CIZ1: variants seen among roughly 807,000 people sequenced by gnomAD.
The protein encoded by CIZ1 is cip1-interacting zinc finger protein.
Under a neutral mutation model 118.6 loss-of-function variants are expected in CIZ1, and 58 were observed. The ratio of observed to expected loss-of-function variants is 0.49; its 90% confidence interval spans 0.40 to 0.61. The LOEUF is 0.61. CIZ1 is among the 20% of genes least tolerant of loss of function. The pLI, the probability that CIZ1 is intolerant of heterozygous loss-of-function variation, is 0.00. For missense variants in CIZ1, 921 were observed against 1,115.9 expected, an observed-to-expected ratio of 0.83 and a Z score of 2.49; for synonymous variants, 448 against 443.4, an observed-to-expected ratio of 1.01 and a Z score of -0.13.
rs1223275724 is a variant in CIZ1, at chr9:128,203,279, C to A, written c.-6+907G>T. 1.1e-5 allele frequency: 3 copies of A among 267,046 alleles called. No homozygotes were observed. The highest frequency in any genetic ancestry group is 3.1e-4 in the South Asian group (2 of 6,400). The allele number at this position is 267,046 out of a possible 1,614,324, so 16.5% of individuals were successfully genotyped here. A position where few individuals can be genotyped will look rare whatever the true frequency, so the allele number is the denominator to read the frequency against. ...CCCATGATGCCCCGGACGGCGCCTG[C>A]GCACGGCGGCCGGCCCGCAGCGCCG... is the stretch of plus-strand genomic sequence containing the variant. On this transcript the variant is annotated intron_variant, in intron 1 of 17. Transcript: ENST00000372948. The surrounding 1 kb of genome is among the most constrained non-coding windows in gnomAD (Gnocchi z 5.3).
In CIZ1 at chr9:128,166,179, G is replaced by T. The variant is rs1385337049; in HGVS notation, c.*18C>A. 6.2e-6 allele frequency: 9 copies of T among 1,455,020 alleles called. No homozygotes were observed. The highest frequency in any genetic ancestry group is 7.3e-6 in the Non-Finnish European group (8 of 1,095,220). 90.1% of individuals were successfully genotyped at this position (1,455,020 alleles called of 1,614,324 possible). A position where few individuals can be genotyped will look rare whatever the true frequency, so the allele number is the denominator to read the frequency against. On this transcript the variant is annotated 3_prime_UTR_variant, in exon 17 of 17. Coordinates refer to ENST00000372938, the MANE Select transcript of CIZ1 (RefSeq NM_001131016.2). This position sits in a 1 kb window ranked among gnomAD's most constrained non-coding sequence, Gnocchi z 4.4. ...CAGATCTGGACCCAGGCAGGCCAGGGACAGGGAGGTCCCTCTATCAGGTTT... is the reference window on the plus strand; with the variant it reads ...CAGATCTGGACCCAGGCAGGCCAGGTACAGGGAGGTCCCTCTATCAGGTTT...
intron 10 of CIZ1, 35 bp downstream of exon 10, chr9:128,177,531 C>A: frequency 9.1e-7 from 1 of 1,097,424 alleles, no homozygotes; most frequent in South Asian, 2.0e-5. Context: ...CACGCAGGCC[C>A]CACCCCTCCC....
At chr9:128,185,971 C>T (rs1832316808) in intron 4 of CIZ1, among the ~76,000 whole-genome samples, 195 bp from the exon 5 acceptor site, 1 of 152,116 alleles carries the variant, frequency 6.6e-6, no homozygotes, top group Non-Finnish European at 1.5e-5. Context: ...GTGAAGGAAG[C>T]TTTAGGGCTC....
At chr9:128,199,753 AAG>A (rs1833464600) in intron 1 of CIZ1, among the ~76,000 whole-genome samples, 1 of 151,386 alleles carries the variant, frequency 6.6e-6, no homozygotes, top group Admixed American at 6.6e-5. Flanking sequence ...TTGGGAGCTC[AAG>A]AGAGAGTAAA....
At chr9:128,167,411 C>A in intron 14 of CIZ1, 1 of 512,938 alleles carries the variant, frequency 1.9e-6, no homozygotes, top group Middle Eastern at 3.7e-4. Flanking sequence ...CCTGCTCCTA[C>A]AGGCGCCATA....
Position 128,173,367 on chromosome 9 carries a change from G to T in CIZ1, c.1943+2984C>A, listed in dbSNP as rs1022218537. On this transcript the variant is annotated intron_variant, in intron 11 of 16. Transcript: ENST00000372938. ...TCACCGTGTTAGCCATGATGGTCTC[G>T]ATCTCCTGACCTCATGATCCACCCG... is the stretch of plus-strand genomic sequence containing the variant. 5.3e-5 allele frequency among the ~76,000 whole-genome samples: 8 copies of T among 151,690 alleles called. No individual in the cohort carries two copies. In the South Asian group the frequency reaches 1.5e-3, roughly 28 times the overall value.
At position 128,174,024 on chromosome 9, in the gene CIZ1, C is replaced by CA. The variant is rs888369095; in HGVS notation, c.1943+2326dup. ...CCATCTCAAAAACAAAACAAAAAAA[C>CA]AAAAAAAAAAAACAAAGAAATAGCT... On this transcript the variant is annotated intron_variant, in intron 11 of 16. Transcript: ENST00000372938. 5.4e-3 allele frequency among the ~76,000 whole-genome samples: 796 copies of CA among 147,702 alleles called. 7 individuals carry two copies. Among genetic ancestry groups the CA allele is most frequent in the African/African-American group, 0.019 (734 of 39,552 alleles).
chr9:128,174,029 A>AAC (rs1830550917), intron 11 of CIZ1, among the ~76,000 whole-genome samples: 1 of 151,546 alleles, frequency 6.6e-6, no homozygotes, highest in Non-Finnish European at 1.5e-5. Context: ...AAAAACAAAA[A>AAC]AAAAAAACAA....
rs1046206579 is a variant in CIZ1, at chr9:128,173,446, G to C, written c.1943+2905C>G. Reference sequence around the variant, plus strand: ...AGGCGTGAGCTACCGCGCCCGGCCGGCTAATTTTTTTATAGTTTACAGAGA... The same window carrying C: ...AGGCGTGAGCTACCGCGCCCGGCCGCCTAATTTTTTTATAGTTTACAGAGA... On this transcript the variant is annotated intron_variant, in intron 11 of 16. Coordinates refer to ENST00000372938, the MANE Select transcript of CIZ1 (RefSeq NM_001131016.2). Among the ~76,000 whole-genome samples, 4 of 151,840 alleles carry C rather than the reference G, an allele frequency of 2.6e-5. No homozygotes were observed. The East Asian group carries it at 7.9e-4, about 30-fold the overall frequency.
At chr9:128,200,397 C>T (rs774832218) in intron 1 of CIZ1, among the ~76,000 whole-genome samples, 2 of 151,716 alleles carry the variant, frequency 1.3e-5, no homozygotes, top group Non-Finnish European at 2.9e-5. Flanking sequence ...TGGTGGCTCA[C>T]AGCTATAATC....
upstream of CIZ1, chr9:128,191,764 G>C: frequency 2.8e-6 from 4 of 1,407,618 alleles, no homozygotes. The surrounding 1 kb of genome is among the most constrained non-coding windows in gnomAD (Gnocchi z 5.5). Context: ...TCGCGAAGGG[G>C]AGGCTCGGAG....
chr9:128,167,410 A>C, intron 14 of CIZ1: 1 of 514,198 alleles, frequency 1.9e-6, no homozygotes, highest in Non-Finnish European at 3.4e-6. Flanking sequence ...TCCTGCTCCT[A>C]CAGGCGCCAT....
chr9:128,196,042 T>C (rs906955606), upstream of CIZ1, among the ~76,000 whole-genome samples: 1 of 152,176 alleles, frequency 6.6e-6, no homozygotes, highest in Admixed American at 6.5e-5. Flanking sequence ...ATTTTTTGTA[T>C]TTTTAGTAGA....
upstream of CIZ1, chr9:128,192,026 TC>T (rs1319746844): frequency 3.7e-6 from 3 of 811,296 alleles, no homozygotes; most frequent in Non-Finnish European, 5.2e-6. Flanking sequence ...GGAGGGAGAG[TC>T]CCCCTCCAAG....
rs919865021 is a variant in CIZ1, at chr9:128,167,520, C to T, written c.2296-356G>A. 1.3e-5 allele frequency: 3 copies of T among 231,966 alleles called. No individual in the cohort carries two copies. The Admixed American group carries it at 1.5e-4, about 12-fold the overall frequency. 14.4% of individuals were successfully genotyped at this position (231,966 alleles called of 1,614,324 possible). A position where few individuals can be genotyped will look rare whatever the true frequency, so the allele number is the denominator to read the frequency against. On this transcript the variant is annotated intron_variant, in intron 14 of 16. Coordinates refer to ENST00000372938, the MANE Select transcript of CIZ1 (RefSeq NM_001131016.2). ...ACATTTTACTAAGAAGAAACTGAGG[C>T]CCAGGGACATTAACTCACTTGTCTA...
At chr9:128,181,669 C>A (rs374198340) in intron 5 of CIZ1, among the ~76,000 whole-genome samples, 2 of 151,692 alleles carry the variant, frequency 1.3e-5, no homozygotes, top group African/African-American at 4.9e-5. Flanking sequence ...GTGACGCCAG[C>A]GTCTGGGAAG....
rs1833585693 is a variant in CIZ1, at chr9:128,203,110, G to T, written c.-6+1076C>A. 6.6e-6 allele frequency among the ~76,000 whole-genome samples: 1 copy of T among 152,180 alleles called. No individual in the cohort carries two copies. The highest frequency in any genetic ancestry group is 1.5e-5 in the Non-Finnish European group (1 of 68,020). On this transcript the variant is annotated intron_variant, in intron 1 of 17. Coordinates refer to the CIZ1 transcript ENST00000372948. This position sits in a 1 kb window ranked among gnomAD's most constrained non-coding sequence, Gnocchi z 5.3. ...GGCCTGTTTCCTCATCGGTAAGATGGAGTGAAACATCCAGACCACTCTCCA... is the reference window on the plus strand; with the variant it reads ...GGCCTGTTTCCTCATCGGTAAGATGTAGTGAAACATCCAGACCACTCTCCA...
chr9:128,176,365 C>T lies in CIZ1; in HGVS notation c.1929G>A (p.Leu643=). 1.9e-6 allele frequency: 3 copies of T among 1,614,064 alleles called. No homozygotes were observed. The highest frequency in any genetic ancestry group is 1.3e-5 in the African/African-American group (1 of 75,054). Residue 643 remains leucine, a synonymous_variant, in exon 11 of 17, where the codon CTG becomes CTA. Coordinates refer to ENST00000372938, the MANE Select transcript of CIZ1 (RefSeq NM_001131016.2). ...LSLLPVPRDV[L]ETEDEEPPPR... Reference sequence around the variant, plus strand: ...CCCCCACTCACTCATCCTCTGTCTCCAGGACGTCCCGGGGCACGGGCAGCA... The same window carrying T: ...CCCCCACTCACTCATCCTCTGTCTCTAGGACGTCCCGGGGCACGGGCAGCA...
chr9:128,185,901 C>A, intron 4 of CIZ1, 125 bp from the exon 5 acceptor site: 1 of 717,504 alleles, frequency 1.4e-6, no homozygotes, highest in Non-Finnish European at 2.4e-6. Context: ...CCTTCCCACC[C>A]AAGGGCAGCC....
Sources: allele counts gnomAD v4.1 joint callset (sites outside exome capture counted in the v4.1 genomes callset), GRCh38; gene constraint gnomAD v4.1.1; non-coding constraint Gnocchi (gnomAD v3.1); transcripts MANE v1.5; gene names NCBI Gene and HGNC (gene_info 2026-07-23, HGNC 2026-07-21).